GPR139: variants seen among roughly 807,000 people sequenced by gnomAD.
GPR139 encodes the protein probable G protein-coupled receptor 139.
GPR139 carries 12 observed loss-of-function variants against 25.8 expected under a neutral mutation model. The observed-to-expected ratio is 0.47, with a 90% CI of 0.30 to 0.75. The LOEUF (loss-of-function observed/expected upper bound fraction) is 0.75, where lower values mean the gene tolerates loss of function less well. Ranked by LOEUF, GPR139 falls within the 30% of genes least tolerant of loss-of-function variation. The probability of loss-of-function intolerance (pLI) is 0.07; values close to 1 mark genes in which losing one functional copy is unlikely to be tolerated. For missense variants in GPR139, 380 were observed against 450.2 expected, an observed-to-expected ratio of 0.84 and a Z score of 1.41; for synonymous variants, 184 against 179.9, an observed-to-expected ratio of 1.02 and a Z score of -0.18.
Position 20,073,761 on chromosome 16 carries a change from C to T in GPR139, c.-145G>A, listed in dbSNP as rs1193807815. ...CCGCAGGACTGGCTCCTACCCTTGG[C>T]CGTGATCCCCTCTGCTCGCTCCGCA... On this transcript the variant is annotated 5_prime_UTR_variant, in exon 1 of 2. Coordinates refer to ENST00000570682, the MANE Select transcript of GPR139 (RefSeq NM_001002911.4). This position sits in a 1 kb window ranked among gnomAD's most constrained non-coding sequence, Gnocchi z 4.7. 5.8e-6 allele frequency: 6 copies of T among 1,042,200 alleles called. No homozygotes were observed. The highest frequency in any genetic ancestry group is 8.0e-6 in the Non-Finnish European group (6 of 747,816). The allele number at this position is 1,042,200 out of a possible 1,614,324, so 64.6% of individuals were successfully genotyped here. A position where few individuals can be genotyped will look rare whatever the true frequency, so the allele number is the denominator to read the frequency against.
At chr16:20,045,073 C>T (rs770653700) in intron 1 of GPR139, among the ~76,000 whole-genome samples, 11 of 149,710 alleles carry the variant, frequency 7.3e-5, no homozygotes, top group Non-Finnish European at 1.3e-4. Flanking sequence ...AATCGCGGCT[C>T]GCTGCAACCT....
intron 1 of GPR139, among the ~76,000 whole-genome samples, chr16:20,057,805 T>G (rs2057395575): frequency 6.6e-6 from 1 of 152,194 alleles, no homozygotes; most frequent in East Asian, 1.9e-4. Flanking sequence ...CCCACAGGAA[T>G]TTAAATGCCC....
chr16:20,059,914 G>C (rs529697613), intron 1 of GPR139, among the ~76,000 whole-genome samples: 1 of 152,316 alleles, frequency 6.6e-6, no homozygotes, highest in Non-Finnish European at 1.5e-5. Flanking sequence ...CCTCTGCCGG[G>C]AAGAAGGGGT....
intron 1 of GPR139, among the ~76,000 whole-genome samples, chr16:20,037,838 A>G (rs115096920): frequency 0.018 from 2,726 of 152,210 alleles, 77 homozygotes; most frequent in African/African-American, 0.061. Flanking sequence ...GACTTAGAAA[A>G]GTGCCATATT....
Position 20,032,227 on chromosome 16 carries a change from G to A in GPR139, c.570C>T (p.Thr190=), listed in dbSNP as rs745648832. 1.4e-5 allele frequency: 22 copies of A among 1,614,072 alleles called. No individual in the cohort carries two copies. The highest frequency in any genetic ancestry group is 6.7e-5 in the East Asian group (3 of 44,898). Residue 190 remains threonine, a synonymous_variant, in exon 2 of 2, where the codon ACC becomes ACT. Transcript: ENST00000570682. ...AGATGGAGCAGGGCACCAGGTAGACGGTGAAGCAGTGGATCCAGATGAGGA... is the reference window on the plus strand; with the variant it reads ...AGATGGAGCAGGGCACCAGGTAGACAGTGAAGCAGTGGATCCAGATGAGGA... ...HHVLIWIHCF[T]VYLVPCSIFF...
chr16:20,045,929 G>A (rs1468870553), intron 1 of GPR139, among the ~76,000 whole-genome samples: 4 of 152,170 alleles, frequency 2.6e-5, no homozygotes, highest in African/African-American at 9.7e-5. Flanking sequence ...TGGACACAGG[G>A]GTGAAGGTTA....
intron 1 of GPR139, among the ~76,000 whole-genome samples, chr16:20,033,367 A>C (rs1426169002): frequency 6.6e-6 from 1 of 152,234 alleles, no homozygotes; most frequent in South Asian, 2.1e-4. Context: ...TCATCTTAGA[A>C]ATGAAACTGG....
intron 1 of GPR139, among the ~76,000 whole-genome samples, chr16:20,056,912 G>A (rs376337027): frequency 2.6e-5 from 4 of 152,142 alleles, no homozygotes; most frequent in Non-Finnish European, 5.9e-5. Context: ...GTTAGGTGTG[G>A]GGTGTAGAGG....
chr16:20,052,141 C>T (rs2057374493), intron 1 of GPR139, among the ~76,000 whole-genome samples: 1 of 152,190 alleles, frequency 6.6e-6, no homozygotes, highest in Admixed American at 6.5e-5. Flanking sequence ...TGGGCCTTTG[C>T]CTACGCAGTT....
chr16:20,062,930 C>T (rs1020287858), intron 1 of GPR139, among the ~76,000 whole-genome samples: 1 of 152,106 alleles, frequency 6.6e-6, no homozygotes, highest in South Asian at 2.1e-4. Context: ...CTATGGATGA[C>T]AAATTTTCAT....
intron 1 of GPR139, among the ~76,000 whole-genome samples, chr16:20,070,490 A>G (rs1026376515): frequency 6.6e-6 from 1 of 152,200 alleles, no homozygotes; most frequent in East Asian, 1.9e-4. Flanking sequence ...CATATTTCAC[A>G]TTAGAATTTC....
At chr16:20,071,885 T>C (rs7189309) in intron 1 of GPR139, among the ~76,000 whole-genome samples, 60,638 of 151,902 alleles carry the variant, frequency 0.4, 12,572 homozygotes, top group East Asian at 0.53. Flanking sequence ...TGAGTGGCTA[T>C]CTCACTCAGT....
intron 1 of GPR139, among the ~76,000 whole-genome samples, chr16:20,040,408 A>G (rs2057325694): frequency 6.6e-6 from 1 of 152,228 alleles, no homozygotes; most frequent in South Asian, 2.1e-4. Context: ...AATAATAATT[A>G]TCCCCACAAA....
At chr16:20,034,764 G>A (rs1473831818) in intron 1 of GPR139, among the ~76,000 whole-genome samples, 1 of 152,098 alleles carries the variant, frequency 6.6e-6, no homozygotes, top group Admixed American at 6.6e-5. Flanking sequence ...ATTCAACATT[G>A]TATTTTTGAG....
chr16:20,044,389 A>G (rs562891493), intron 1 of GPR139, among the ~76,000 whole-genome samples: 81 of 152,318 alleles, frequency 5.3e-4, no homozygotes, highest in Non-Finnish European at 7.2e-4. Context: ...CTGCTCCTGG[A>G]CAAGCCATCT....
rs901199962 is a variant in GPR139 at position 20,072,563 on chromosome 16, G to A, written c.127+927C>T. Among the ~76,000 whole-genome samples the A allele has an allele frequency of 2.0e-5, 3 of 152,210 alleles. No individual in the cohort carries two copies. The South Asian group carries it at 6.2e-4, about 32-fold the overall frequency. On this transcript the variant is annotated intron_variant, in intron 1 of 1. Transcript: ENST00000570682. ...TTGTCACCAAGACTGCCTGCAAGGA[G>A]GGTCCACCCAAAGCTGGAGCCCCAG... is the stretch of plus-strand genomic sequence containing the variant.
In GPR139 at chr16:20,031,574, C is replaced by T; in HGVS notation, c.*161G>A. The T allele has an allele frequency of 1.6e-6, 1 of 631,160 alleles. No individual in the cohort carries two copies. Among genetic ancestry groups the T allele is most frequent in the Non-Finnish European group, 2.8e-6 (1 of 352,306 alleles). 39.1% of individuals were successfully genotyped at this position (631,160 alleles called of 1,614,324 possible). A position where few individuals can be genotyped will look rare whatever the true frequency, so the allele number is the denominator to read the frequency against. ...AACAAGCTTCATGCTCTCCTTTCTT[C>T]TCTTCCATCTCTTCTCATCTACCAG... On this transcript the variant is annotated 3_prime_UTR_variant, in exon 2 of 2. Transcript: ENST00000570682.
intron 1 of GPR139, among the ~76,000 whole-genome samples, chr16:20,054,948 G>A (rs1411094178): frequency 6.6e-6 from 1 of 152,062 alleles, no homozygotes; most frequent in Admixed American, 6.6e-5. Context: ...GGCTGGTCTC[G>A]AACTCCTGGC....
Position 20,031,865 on chromosome 16 carries a change from A to T in GPR139, c.932T>A (p.Val311Glu), listed in dbSNP as rs1419204742. 1 of 1,614,028 alleles carries T rather than the reference A, an allele frequency of 6.2e-7. No homozygotes were observed. The highest frequency in any genetic ancestry group is 1.3e-5 in the African/African-American group (1 of 74,900). The change falls in exon 2 of 2, where the codon GTA becomes GAA. Residue 311 changes from valine to glutamate, a missense_variant. Physicochemically the swap from Val to Glu is moderately radical, Grantham distance 121 (BLOSUM62 -2). Transcript: ENST00000570682. ...KAFFKCQKQPVQFYTNHNFSI... is the reference protein window; with the variant it reads ...KAFFKCQKQPEQFYTNHNFSI... ...AAAGTTATGATTGGTGTAGAACTGTACAGGTTGCTTCTGGCACTTGAAGAA... is the reference window on the plus strand; with the variant it reads ...AAAGTTATGATTGGTGTAGAACTGTTCAGGTTGCTTCTGGCACTTGAAGAA...
Sources: allele counts gnomAD v4.1 joint callset (sites outside exome capture counted in the v4.1 genomes callset), GRCh38; gene constraint gnomAD v4.1.1; non-coding constraint Gnocchi (gnomAD v3.1); transcripts MANE v1.5; gene names NCBI Gene and HGNC (gene_info 2026-07-23, HGNC 2026-07-21).